Variants in RHBDF1 observed in about 807,000 individuals in gnomAD.
The protein encoded by RHBDF1 is inactive rhomboid protein 1.
A neutral mutation model predicts 98.6 loss-of-function variants in RHBDF1; 80 were observed. The ratio of observed to expected loss-of-function variants is 0.81; its 90% CI spans 0.68 to 0.98. The LOEUF (loss-of-function observed/expected upper bound fraction) is 0.98, where lower values mean the gene tolerates loss of function less well. RHBDF1 is among the 50% of genes least tolerant of loss of function. RHBDF1 has a pLI of 0.00. For missense variants in RHBDF1, 1,116 were observed against 1,198.3 expected (o/e 0.93, Z 1.01); for synonymous variants, 512 against 486.8 (o/e 1.05, Z -0.68).
At chr16:72,145 C>T (rs940215128) in intron 1 of RHBDF1, among the ~76,000 whole-genome samples, 4 of 152,190 alleles carry the variant, frequency 2.6e-5, no homozygotes, top group Non-Finnish European at 5.9e-5. Flanking sequence ...CCTGGGGCAC[C>T]CCCGGACTCT....
intron 10 of RHBDF1, 34 bp downstream of exon 10, chr16:61,351 C>T: frequency 6.5e-7 from 1 of 1,547,936 alleles, no homozygotes; most frequent in South Asian, 1.2e-5. Context: ...CCAGGTCCCG[C>T]CCCCGCCGGC....
intron 1 of RHBDF1, among the ~76,000 whole-genome samples, chr16:71,714 A>G (rs995660684): frequency 3.9e-5 from 6 of 152,176 alleles, no homozygotes; most frequent in African/African-American, 1.4e-4. Context: ...CTCGGTCGGA[A>G]GCAGGCCCTG....
chr16:59,934 G>A (rs1323607009), intron 13 of RHBDF1, 108 bp from the exon 14 acceptor site: 29 of 1,550,138 alleles, frequency 1.9e-5, no homozygotes, highest in African/African-American at 8.2e-5. Context: ...AGCAGAAAAC[G>A]GTGTGGCTTC....
chr16:64,974 G>C lies in RHBDF1; in HGVS notation c.42C>G (p.Arg14=), dbSNP rs746196646. The C allele has an allele frequency of 5.1e-6, 8 of 1,557,418 alleles. No individual in the cohort carries two copies. In the African/African-American group the frequency reaches 1.1e-4, roughly 21 times the overall value. Residue 14 remains arginine, a synonymous_variant, in exon 2 of 18, where the codon CGC becomes CGG. Coordinates refer to ENST00000262316, the MANE Select transcript of RHBDF1 (RefSeq NM_022450.5). ...CCAGCTTTAGCCAGGGTGGCTTCTT[G>C]CGCTGCAGGCTGCTCGTGCTGTCCC... ...ARRDSTSSLQ[R]KKPPWLKLDI...
chr16:62,112 C>G (rs1312009270), intron 7 of RHBDF1, 60 bp from the exon 8 acceptor site: 5 of 1,431,228 alleles, frequency 3.5e-6, no homozygotes, highest in Non-Finnish European at 4.6e-6. Context: ...AGTCCCTCCC[C>G]GGGGGGCACC....
upstream of RHBDF1, among the ~76,000 whole-genome samples, chr16:75,131 AC>A (rs1423842904): frequency 1.3e-5 from 2 of 151,944 alleles, no homozygotes; most frequent in African/African-American, 4.8e-5. Flanking sequence ...AGCCCCCTAT[AC>A]GGAAACCCAG....
intron 1 of RHBDF1, among the ~76,000 whole-genome samples, chr16:66,758 G>A (rs1263196253): frequency 6.6e-6 from 1 of 152,214 alleles, no homozygotes; most frequent in African/African-American, 2.4e-5. Flanking sequence ...CCCTAAGGCT[G>A]AGTTCCTGTC....
At chr16:71,886 T>G (rs1897979093) in intron 1 of RHBDF1, among the ~76,000 whole-genome samples, 1 of 151,996 alleles carries the variant, frequency 6.6e-6, no homozygotes, top group African/African-American at 2.4e-5. Flanking sequence ...GCGCACAGAG[T>G]GAGAGTCTGT....
rs1484454370 is a variant in RHBDF1, at chr16:61,149, A to C, written c.1528T>G (p.Cys510Gly). ...ACCVRNDRSG[C>G]VQTSEEECSS... The stretch of plus-strand genomic sequence containing the variant: ...CACTCCTCCTCCGAGGTCTGCACGC[A>C]GCCCGACCTGTCGTTGCGCACGCAG... The change falls in exon 11 of 18, where the codon TGC becomes GGC. Residue 510 changes from cysteine to glycine, a missense_variant. Coordinates refer to ENST00000262316, the MANE Select transcript of RHBDF1 (RefSeq NM_022450.5). The C allele has an allele frequency of 6.5e-7, 1 of 1,537,626 alleles. No individual in the cohort carries two copies. The highest frequency in any genetic ancestry group is 2.0e-5 in the Admixed American group (1 of 50,890).
intron 1 of RHBDF1, among the ~76,000 whole-genome samples, chr16:70,204 C>G (rs1018857136): frequency 1.3e-5 from 2 of 152,220 alleles, no homozygotes; most frequent in African/African-American, 2.4e-5. Flanking sequence ...AAGGACTTAG[C>G]TACACTAGAT....
upstream of RHBDF1, among the ~76,000 whole-genome samples, chr16:73,603 C>T (rs928234192): frequency 3.3e-5 from 5 of 152,178 alleles, no homozygotes; most frequent in South Asian, 2.1e-4. Context: ...CAGCAGAGTA[C>T]GGGCAGGGCT....
chr16:61,838 T>G lies in RHBDF1; in HGVS notation c.1168A>C (p.Ser390Arg). The change falls in exon 8 of 18, where the codon AGC becomes CGC. Residue 390 changes from serine (S) to arginine (R), a missense_variant. Ser to Arg is a moderately radical substitution (Grantham distance 110). Coordinates refer to ENST00000262316, the MANE Select transcript of RHBDF1 (RefSeq NM_022450.5). ...TNRTYRKRIDSFVKRQIEDMD... is the reference protein window; with the variant it reads ...TNRTYRKRIDRFVKRQIEDMD... ...TCCTCGATCTGGCGCTTGACGAAGC[T>G]GTCGATGCGCTTGCGGTAGGTGCGG... 4 of 1,612,470 alleles carry G rather than the reference T, an allele frequency of 2.5e-6. No individual in the cohort carries two copies. Among genetic ancestry groups the G allele is most frequent in the Non-Finnish European group, 3.4e-6 (4 of 1,179,786 alleles).
rs1301364032 is a variant in RHBDF1, at chr16:58,485, T to C, written c.2423A>G (p.Gln808Arg). 6.2e-7 allele frequency: 1 copy of C among 1,614,022 alleles called. No individual in the cohort carries two copies. The highest frequency in any genetic ancestry group is 2.2e-5 in the East Asian group (1 of 44,888). Residue 808 changes from glutamine to arginine, a missense_variant, in exon 18 of 18, where the codon CAG becomes CGG. Coordinates refer to ENST00000262316, the MANE Select transcript of RHBDF1 (RefSeq NM_022450.5). Reference protein sequence around the residue: ...YRKRCQIIIFQVVFLGLLAGL... With the variant: ...YRKRCQIIIFRVVFLGLLAGL... ...AGCCAGGAGGCCCAGGAAGACCACC[T>C]GAAAGATGATGATCTGGCAGCGTTT...
intron 1 of RHBDF1, among the ~76,000 whole-genome samples, chr16:68,227 T>G (rs988253493): frequency 5.9e-5 from 9 of 152,190 alleles, no homozygotes; most frequent in Non-Finnish European, 1.2e-4. Context: ...CCGACAGTTA[T>G]AGGTCCTGCG....
At position 64,725 on chromosome 16, in the gene RHBDF1, C is replaced by A. The variant is rs1245477639; in HGVS notation, c.222G>T (p.Gln74His). 1 of 1,613,370 alleles carries A rather than the reference C, an allele frequency of 6.2e-7. No homozygotes were observed. Among genetic ancestry groups the A allele is most frequent in the South Asian group, 1.1e-5 (1 of 91,040 alleles). The change falls in exon 3 of 18, where the codon CAG becomes CAT. Residue 74 changes from glutamine to histidine, a missense_variant. By Grantham distance (24) the Gln-to-His change is conservative. Coordinates refer to ENST00000262316, the MANE Select transcript of RHBDF1 (RefSeq NM_022450.5). ...TGCGGATGGTCTGTGTGATGGACGT[C>A]TGGCGTTGCAGCACCGGCCGCCGGA... ...HELRRPVLQR[Q>H]TSITQTIRRG...
chr16:60,389 C>CG, intron 12 of RHBDF1, 50 bp downstream of exon 12: 5 of 1,598,604 alleles, frequency 3.1e-6, no homozygotes, highest in East Asian at 2.2e-5. Flanking sequence ...CCACAGCCCC[C>CG]GGGGAAGGTG....
intron 1 of RHBDF1, among the ~76,000 whole-genome samples, chr16:67,573 T>C (rs1308860199): frequency 6.6e-6 from 1 of 152,212 alleles, no homozygotes; most frequent in Non-Finnish European, 1.5e-5. Context: ...CTCAGAGCCC[T>C]GCAAATGCGC....
chr16:75,874 AC>A (rs1273183325), upstream of RHBDF1, among the ~76,000 whole-genome samples: 9 of 152,022 alleles, frequency 5.9e-5, no homozygotes, highest in African/African-American at 2.2e-4. Context: ...AGCTGTCAGC[AC>A]CCCCCTCCAT....
At chr16:67,790 C>A (rs757413959) in intron 1 of RHBDF1, among the ~76,000 whole-genome samples, 1 of 152,226 alleles carries the variant, frequency 6.6e-6, no homozygotes, top group African/African-American at 2.4e-5. Context: ...GATCACTGAA[C>A]AACGCAGGCC....
Sources: gnomAD v4.1 joint callset for allele counts (sites outside exome capture counted in the v4.1 genomes callset) on GRCh38, gnomAD v4.1.1 for gene constraint, MANE v1.5 for transcripts, NCBI Gene and HGNC (gene_info 2026-07-23, HGNC 2026-07-21) for gene names.